The following SLC24A2 variants were observed in gnomAD, a reference collection of about 807,000 sequenced individuals.
SLC24A2 encodes solute carrier family 24 member 2, also known as sodium/potassium/calcium exchanger 2.
Under a neutral mutation model 62.0 loss-of-function variants are expected in SLC24A2, and 36 were observed. The ratio of observed to expected loss-of-function variants is 0.58; its 90% CI spans 0.44 to 0.77. SLC24A2 has a LOEUF of 0.77. SLC24A2 is among the 30% of genes least tolerant of loss of function. The probability of loss-of-function intolerance (pLI) is 0.00; values close to 1 mark genes in which losing one functional copy is unlikely to be tolerated. For missense variants in SLC24A2, 846 were observed against 817.9 expected (o/e 1.03, Z -0.42); for synonymous variants, 358 against 294.0 (o/e 1.22, Z -2.23).
chr9:20,100,719 C>A, the SLC24A2 span, among the ~76,000 whole-genome samples: 24 of 152,168 alleles, frequency 1.6e-4, no homozygotes, highest in Non-Finnish European at 3.2e-4. Flanking sequence ...ATTTTTACTA[C>A]AACAGATTCA....
chr9:19,582,194 A>C (rs1836229819), intron 5 of SLC24A2, among the ~76,000 whole-genome samples: 2 of 152,206 alleles, frequency 1.3e-5, no homozygotes, highest in African/African-American at 2.4e-5. Flanking sequence ...CAGCAATCAA[A>C]ATCCTTGACC....
chr9:19,656,037 C>T (rs901230776), intron 2 of SLC24A2, among the ~76,000 whole-genome samples: 22 of 152,180 alleles, frequency 1.4e-4, no homozygotes, highest in African/African-American at 5.3e-4. Flanking sequence ...ATTTCTAAAG[C>T]CTCGTCTGCA....
At chr9:19,642,035 A>C (rs1394413240) in intron 2 of SLC24A2, among the ~76,000 whole-genome samples, 1 of 151,984 alleles carries the variant, frequency 6.6e-6, no homozygotes, top group African/African-American at 2.4e-5. Context: ...CGGTGGAAGG[A>C]GCAGTCGTTG....
intron 8 of SLC24A2, among the ~76,000 whole-genome samples, 153 bp from the exon 9 acceptor site, chr9:19,528,291 C>G (rs1037268973): frequency 6.6e-6 from 1 of 152,182 alleles, no homozygotes; most frequent in African/African-American, 2.4e-5. Flanking sequence ...CACTCCTGAT[C>G]AAGCTGGGAC....
At chr9:19,647,921 T>C (rs1818690560) in intron 2 of SLC24A2, among the ~76,000 whole-genome samples, 1 of 152,186 alleles carries the variant, frequency 6.6e-6, no homozygotes, top group African/African-American at 2.4e-5. Flanking sequence ...CAATAACGAT[T>C]GTGAATCCTG....
At chr9:19,680,008 A>G (rs377549009) in intron 2 of SLC24A2, among the ~76,000 whole-genome samples, 19 of 152,250 alleles carry the variant, frequency 1.2e-4, no homozygotes, top group African/African-American at 4.3e-4. Flanking sequence ...TGCATCTAAC[A>G]TAAAGTAATT....
chr9:20,176,837 A>G, the SLC24A2 span, among the ~76,000 whole-genome samples: 1 of 152,168 alleles, frequency 6.6e-6, no homozygotes, highest in African/African-American at 2.4e-5. Flanking sequence ...AGCCTATTAA[A>G]TATATGCTTA....
At chr9:19,943,876 G>A in the SLC24A2 span, among the ~76,000 whole-genome samples, 3 of 152,186 alleles carry the variant, frequency 2.0e-5, no homozygotes, top group Admixed American at 6.5e-5. Context: ...AAGACACTGA[G>A]TTAGAAGTTG....
chr9:19,727,329 G>C lies in SLC24A2; in HGVS notation c.930+58608C>G, dbSNP rs72687717. 6.9e-3 allele frequency among the ~76,000 whole-genome samples: 1,055 copies of C among 152,230 alleles called. 10 individuals are homozygous for C. The highest frequency in any genetic ancestry group is 0.011 in the Non-Finnish European group (719 of 68,000). ...TATTTTAGATATAATCCAAATTTTTGAAAAGTGGCCTTAAATAACTTACAT... is the reference window on the plus strand; with the variant it reads ...TATTTTAGATATAATCCAAATTTTTCAAAAGTGGCCTTAAATAACTTACAT... On this transcript the variant is annotated intron_variant, in intron 2 of 10. Coordinates refer to ENST00000341998, the MANE Select transcript of SLC24A2 (RefSeq NM_020344.4).
In SLC24A2 at chr9:19,513,153, G is replaced by GAGATAT. The variant is rs1434610409; in HGVS notation, c.*2999_*3000insATATCT. 1 of 80,590 alleles carries GAGATAT rather than the reference G, an allele frequency of 1.2e-5. No individual in the cohort carries two copies. The highest frequency in any genetic ancestry group is 1.5e-4 in the Admixed American group (1 of 6,532). The allele number at this position is 80,590 out of a possible 1,614,324, so 5.0% of individuals were successfully genotyped here. A position where few individuals can be genotyped will look rare whatever the true frequency, so the allele number is the denominator to read the frequency against. ...TGTGTACATATAGATCTGGTATAAA[G>GAGATAT]ATATATATATATATATATATATGTA... On this transcript the variant is annotated 3_prime_UTR_variant, in exon 11 of 11. Transcript: ENST00000341998.
intron 5 of SLC24A2, among the ~76,000 whole-genome samples, chr9:19,588,506 G>A (rs1430946898): frequency 6.6e-6 from 1 of 152,018 alleles, no homozygotes; most frequent in Non-Finnish European, 1.5e-5. Flanking sequence ...ATTTAGAGAG[G>A]TCAAATACCT....
chr9:19,902,774 T>C, the SLC24A2 span, among the ~76,000 whole-genome samples: 1 of 152,200 alleles, frequency 6.6e-6, no homozygotes, highest in Admixed American at 6.5e-5. Context: ...AGGTAATCAC[T>C]ATATTACAAT....
At chr9:19,529,356 A>G (rs1833588825) in intron 8 of SLC24A2, among the ~76,000 whole-genome samples, 1 of 152,234 alleles carries the variant, frequency 6.6e-6, no homozygotes, top group African/African-American at 2.4e-5. Flanking sequence ...TCTTTTGAAT[A>G]TCAATAATGA....
chr9:19,930,164 C>T, the SLC24A2 span, among the ~76,000 whole-genome samples: 7 of 152,168 alleles, frequency 4.6e-5, no homozygotes, highest in African/African-American at 1.7e-4. Flanking sequence ...ACAGTAATGT[C>T]CTAGGTCTTC....
At chr9:20,003,047 A>T in the SLC24A2 span, among the ~76,000 whole-genome samples, 1 of 152,180 alleles carries the variant, frequency 6.6e-6, no homozygotes, top group Non-Finnish European at 1.5e-5. Context: ...ATAAATGATA[A>T]ATCTGGTTCT....
chr9:19,536,054 C>G (rs1003265673), intron 8 of SLC24A2, among the ~76,000 whole-genome samples: 10 of 151,922 alleles, frequency 6.6e-5, no homozygotes, highest in Admixed American at 2.6e-4. Flanking sequence ...AGAGGTCCTT[C>G]ACATCCCTTG....
chr9:20,294,609 T>C, the SLC24A2 span, among the ~76,000 whole-genome samples: 1 of 152,238 alleles, frequency 6.6e-6, no homozygotes, highest in Non-Finnish European at 1.5e-5. Flanking sequence ...AACTTGAGTA[T>C]AGGCCCTTCA....
chr9:19,820,005 A>T, the SLC24A2 span, among the ~76,000 whole-genome samples: 2 of 125,264 alleles, frequency 1.6e-5, no homozygotes, highest in African/African-American at 6.5e-5. Flanking sequence ...ATATATATAT[A>T]TGTGTATATA....
chr9:20,104,025 C>T, the SLC24A2 span, among the ~76,000 whole-genome samples: 2 of 152,104 alleles, frequency 1.3e-5, no homozygotes, highest in South Asian at 2.1e-4. Flanking sequence ...GAGCTGAAAG[C>T]CAAGGCTCAA....
Sources: allele counts gnomAD v4.1 joint callset (sites outside exome capture counted in the v4.1 genomes callset), GRCh38; gene constraint gnomAD v4.1.1; transcripts MANE v1.5; gene names NCBI Gene and HGNC (gene_info 2026-07-23, HGNC 2026-07-21).